PPP2R2B: variants seen among roughly 807,000 people sequenced by gnomAD.
PPP2R2B encodes the protein protein phosphatase 2 regulatory subunit Bbeta.
In PPP2R2B, 5 loss-of-function variants were observed where a neutral mutation model predicts 46.0. The ratio of observed to expected loss-of-function variants is 0.11; its 90% CI spans 0.06 to 0.23. PPP2R2B has a LOEUF of 0.23. Ranked by LOEUF, PPP2R2B falls within the 10% of genes least tolerant of loss-of-function variation. PPP2R2B has a pLI of 1.00. For synonymous variants in PPP2R2B, 215 were observed against 206.7 expected (o/e 1.04, Z -0.34); for missense variants, 367 against 575.0 (o/e 0.64, Z 3.70).
intron 5 of PPP2R2B, among the ~76,000 whole-genome samples, chr5:146,675,862 G>A (rs138065023): frequency 7.4e-4 from 113 of 152,010 alleles, no homozygotes; most frequent in Non-Finnish European, 1.1e-3. Flanking sequence ...ACAGAAAATT[G>A]AGGTAATGAT....
At chr5:146,919,229 A>C (rs1763505859) in intron 1 of PPP2R2B, among the ~76,000 whole-genome samples, 1 of 152,224 alleles carries the variant, frequency 6.6e-6, no homozygotes, top group Admixed American at 6.5e-5. Context: ...CTATCACAGG[A>C]AAAATAAAGA....
At chr5:146,590,676 C>T (rs1263960297) in intron 9 of PPP2R2B, among the ~76,000 whole-genome samples, 1 of 152,130 alleles carries the variant, frequency 6.6e-6, no homozygotes, top group African/African-American at 2.4e-5. Context: ...CAACAGGGTT[C>T]CTGGGCCGTC....
intron 1 of PPP2R2B, among the ~76,000 whole-genome samples, chr5:146,989,839 A>T (rs571247641): frequency 5.6e-4 from 85 of 152,142 alleles, no homozygotes; most frequent in African/African-American, 1.8e-3. Flanking sequence ...GACCATATAC[A>T]TAGAAAATCC....
At chr5:147,003,535 C>T (rs1255045314) in intron 1 of PPP2R2B, among the ~76,000 whole-genome samples, 1 of 152,106 alleles carries the variant, frequency 6.6e-6, no homozygotes, top group East Asian at 1.9e-4. Context: ...CAAACCCTGG[C>T]CTTTAATGAA....
intron 5 of PPP2R2B, among the ~76,000 whole-genome samples, chr5:146,681,855 T>G (rs1052319963): frequency 6.6e-6 from 1 of 152,220 alleles, no homozygotes; most frequent in African/African-American, 2.4e-5. Flanking sequence ...TCAGGCTTTA[T>G]GGCCAGGGAA....
At chr5:146,870,408 C>T (rs1761547041) in intron 2 of PPP2R2B, among the ~76,000 whole-genome samples, 1 of 152,216 alleles carries the variant, frequency 6.6e-6, no homozygotes, top group Non-Finnish European at 1.5e-5. Flanking sequence ...TGCGCTCTCT[C>T]TTTTCACACT....
intron 2 of PPP2R2B, among the ~76,000 whole-genome samples, chr5:146,739,841 T>G (rs537232757): frequency 2.6e-5 from 4 of 152,330 alleles, no homozygotes; most frequent in African/African-American, 9.6e-5. Context: ...ACATACTTGA[T>G]GCTTAATACT....
intron 7 of PPP2R2B, among the ~76,000 whole-genome samples, chr5:146,632,009 C>T (rs1774452248): frequency 6.6e-6 from 1 of 150,792 alleles, no homozygotes; most frequent in South Asian, 2.1e-4. Context: ...GGCTCCAGGG[C>T]TTGTGTTCTT....
At chr5:146,659,324 AG>A (rs58892818) in intron 5 of PPP2R2B, among the ~76,000 whole-genome samples, 76 of 152,356 alleles carry the variant, frequency 5.0e-4, no homozygotes, top group African/African-American at 1.7e-3. Context: ...TACTTTAAAA[AG>A]CTCAGGAAAG....
At chr5:146,869,110 C>T (rs898413521) in intron 2 of PPP2R2B, among the ~76,000 whole-genome samples, 1 of 152,134 alleles carries the variant, frequency 6.6e-6, no homozygotes, top group African/African-American at 2.4e-5. Flanking sequence ...TTTTGGAAGA[C>T]ACAGTACTGG....
At chr5:146,656,772 G>A (rs1353281568) in intron 5 of PPP2R2B, 1 of 152,438 alleles carries the variant, frequency 6.6e-6, no homozygotes, top group African/African-American at 2.4e-5. Flanking sequence ...TCAGTAGTCA[G>A]GGCCGGATCA....
chr5:146,806,384 T>TA (rs1445174417), intron 2 of PPP2R2B, among the ~76,000 whole-genome samples: 1 of 152,188 alleles, frequency 6.6e-6, no homozygotes, highest in Non-Finnish European at 1.5e-5. Context: ...TGCCTAGGAC[T>TA]AAAACATACC....
intron 7 of PPP2R2B, among the ~76,000 whole-genome samples, chr5:146,624,458 G>C (rs1259527688): frequency 2.6e-5 from 4 of 151,862 alleles, no homozygotes; most frequent in African/African-American, 9.7e-5. Flanking sequence ...TACACTCAAA[G>C]TACGGCCCAA....
chr5:146,605,142 C>A (rs1329792156), intron 7 of PPP2R2B, among the ~76,000 whole-genome samples: 2 of 152,140 alleles, frequency 1.3e-5, no homozygotes, highest in Non-Finnish European at 2.9e-5. Flanking sequence ...AGTACTTTTC[C>A]ACAAATTAGT....
intron 7 of PPP2R2B, among the ~76,000 whole-genome samples, chr5:146,628,700 T>C (rs1210779192): frequency 1.3e-5 from 2 of 152,184 alleles, no homozygotes; most frequent in African/African-American, 2.4e-5. Flanking sequence ...ACAAGATTGA[T>C]TGCATTCAGC....
intron 1 of PPP2R2B, chr5:146,914,174 T>C (rs1206355639): frequency 6.6e-6 from 1 of 152,236 alleles, no homozygotes; most frequent in African/African-American, 2.4e-5. Context: ...GATGCAATAA[T>C]TTAAAACCAA....
intron 2 of PPP2R2B, among the ~76,000 whole-genome samples, chr5:146,866,618 G>A (rs539557383): frequency 8.1e-5 from 12 of 148,250 alleles, no homozygotes; most frequent in South Asian, 2.2e-4. Flanking sequence ...ATACACACAC[G>A]CAGATACATA....
At chr5:146,906,565 G>T (rs995843082) in intron 1 of PPP2R2B, among the ~76,000 whole-genome samples, 1 of 152,104 alleles carries the variant, frequency 6.6e-6, no homozygotes, top group African/African-American at 2.4e-5. Context: ...CAGGTGATCC[G>T]CCTGCCTCGG....
chr5:146,625,719 T>C (rs962484002), intron 7 of PPP2R2B, among the ~76,000 whole-genome samples: 1 of 152,186 alleles, frequency 6.6e-6, no homozygotes, highest in Non-Finnish European at 1.5e-5. Context: ...AAAATCCTAA[T>C]GCCCGGAACC....
Sources: allele counts gnomAD v4.1 joint callset (sites outside exome capture counted in the v4.1 genomes callset), GRCh38; gene constraint gnomAD v4.1.1; transcripts MANE v1.5; gene names NCBI Gene and HGNC (gene_info 2026-07-23, HGNC 2026-07-21).